BMPR1A: variants seen among roughly 807,000 people sequenced by gnomAD.
BMPR1A encodes the protein bone morphogenetic protein receptor type 1A.
A neutral mutation model predicts 66.0 loss-of-function variants in BMPR1A; 7 were observed. The ratio of observed to expected loss-of-function variants is 0.11; its 90% CI spans 0.06 to 0.20. The LOEUF (loss-of-function observed/expected upper bound fraction) is 0.20. Ranked by LOEUF, BMPR1A falls within the 10% of genes least tolerant of loss-of-function variation. BMPR1A has a pLI of 1.00. For synonymous variants in BMPR1A, 200 were observed against 229.7 expected (o/e 0.87, Z 1.17); for missense variants, 408 against 669.1 (o/e 0.61, Z 4.31).
chr10:86,835,923 T>C (rs966949412), intron 1 of BMPR1A, among the ~76,000 whole-genome samples: 2 of 152,230 alleles, frequency 1.3e-5, no homozygotes, highest in African/African-American at 4.8e-5. Context: ...GAAATTTTGA[T>C]GTTAGCTCTG....
intron 2 of BMPR1A, chr10:86,856,116 AT>A: frequency 1.9e-6 from 1 of 523,146 alleles, no homozygotes; most frequent in Non-Finnish European, 3.8e-6. Flanking sequence ...CATAGACTTT[AT>A]TGGTTTTGAA....
chr10:86,901,368 G>A (rs1018304809), intron 7 of BMPR1A, among the ~76,000 whole-genome samples: 9 of 152,218 alleles, frequency 5.9e-5, no homozygotes, highest in African/African-American at 1.9e-4. Context: ...GGATAATCCA[G>A]TGTCCGACTT....
intron 2 of BMPR1A, among the ~76,000 whole-genome samples, chr10:86,875,231 A>G (rs1842906195): frequency 6.6e-6 from 1 of 151,724 alleles, no homozygotes; most frequent in Non-Finnish European, 1.5e-5. Context: ...AAATTAGCCG[A>G]GTGTGGTGGT....
intron 2 of BMPR1A, among the ~76,000 whole-genome samples, chr10:86,853,136 G>A (rs929291302): frequency 3.7e-4 from 56 of 151,818 alleles, no homozygotes; most frequent in African/African-American, 1.3e-3. Flanking sequence ...CAATTTAAAC[G>A]TCAATTTTCT....
rs876660878 is a variant in BMPR1A, at chr10:86,923,392, C to T, written c.1359C>T (p.Tyr453=). Residue 453 remains tyrosine (Y), a synonymous_variant, in exon 12 of 13, where the codon TAC becomes TAT. Coordinates refer to ENST00000372037, the MANE Select transcript of BMPR1A (RefSeq NM_004329.3). ...RCITGGIVEE[Y]QLPYYNMVPS... is the part of the protein sequence containing the mutation. ...CCCTTATAGGGATCGTGGAAGAATA[C>T]CAATTGCCATATTACAACATGGTAC... 1 of 1,613,954 alleles carries T rather than the reference C, an allele frequency of 6.2e-7. No homozygotes were observed. The highest frequency in any genetic ancestry group is 8.5e-7 in the Non-Finnish European group (1 of 1,180,022).
chr10:86,818,368 C>T (rs899171436), intron 1 of BMPR1A, among the ~76,000 whole-genome samples: 2 of 152,104 alleles, frequency 1.3e-5, no homozygotes, highest in African/African-American at 4.8e-5. Flanking sequence ...GCTTTTAGCT[C>T]AGGTTTTTTT....
At chr10:86,900,209 C>T in intron 7 of BMPR1A, 83 bp downstream of exon 7, 1 of 1,330,190 alleles carries the variant, frequency 7.5e-7, no homozygotes, top group Non-Finnish European at 1.1e-6. Context: ...TTGCAGAAAC[C>T]ATTAACTTGT....
intron 5 of BMPR1A, among the ~76,000 whole-genome samples, chr10:86,892,862 CAAA>C (rs575847316): frequency 2.3e-4 from 22 of 94,020 alleles, no homozygotes; most frequent in South Asian, 3.4e-4. Flanking sequence ...GACCCTGTCT[CAAA>C]AAAAAAAAAA....
At chr10:86,856,391 G>A (rs778281660) in intron 2 of BMPR1A, among the ~76,000 whole-genome samples, 3 of 152,158 alleles carry the variant, frequency 2.0e-5, no homozygotes, top group Non-Finnish European at 2.9e-5. Context: ...GTCTCGCCCC[G>A]AGGCACCATC....
rs759424209 is a variant in BMPR1A at position 86,884,394 on chromosome 10, A to ATTTTTTTTT, written c.68-5639_68-5631dup. ...AGCCACCATGCCTGGCAAACACATG[A>ATTTTTTTTT]TTTTTTTTTTTTTTTTTTTTTTTTT... On this transcript the variant is annotated intron_variant, in intron 3 of 12. Coordinates refer to ENST00000372037, the MANE Select transcript of BMPR1A (RefSeq NM_004329.3). 1.3e-3 allele frequency among the ~76,000 whole-genome samples: 66 copies of ATTTTTTTTT among 49,344 alleles called. 13 individuals carry two copies. Among genetic ancestry groups the ATTTTTTTTT allele is most frequent in the Non-Finnish European group, 2.4e-3 (54 of 22,328 alleles). The allele number at this position is 49,344 out of a possible 152,430, so 32.4% of individuals were successfully genotyped here.
At chr10:86,771,474 T>A (rs1841260460) in intron 1 of BMPR1A, among the ~76,000 whole-genome samples, 1 of 152,224 alleles carries the variant, frequency 6.6e-6, no homozygotes, top group African/African-American at 2.4e-5. Context: ...GTTACTATTA[T>A]CAGTTCCCTT....
chr10:86,870,190 C>A (rs1032567572), intron 2 of BMPR1A, among the ~76,000 whole-genome samples: 1 of 152,118 alleles, frequency 6.6e-6, no homozygotes. Flanking sequence ...TTTAGCATAA[C>A]CGATTTGTAT....
At chr10:86,763,771 G>A (rs1289005128) in intron 1 of BMPR1A, among the ~76,000 whole-genome samples, 1 of 148,774 alleles carries the variant, frequency 6.7e-6, no homozygotes, top group Non-Finnish European at 1.5e-5. Context: ...TGAGAAATCT[G>A]TAGGAGACTT....
intron 1 of BMPR1A, among the ~76,000 whole-genome samples, chr10:86,821,675 A>T (rs1277552900): frequency 6.6e-6 from 1 of 152,166 alleles, no homozygotes; most frequent in Non-Finnish European, 1.5e-5. Flanking sequence ...GCTAAAAGTG[A>T]ATAACAATAT....
intron 1 of BMPR1A, among the ~76,000 whole-genome samples, chr10:86,790,403 A>G (rs1387808281): frequency 6.6e-6 from 1 of 151,598 alleles, no homozygotes; most frequent in Non-Finnish European, 1.5e-5. Context: ...CAGTTCCTCA[A>G]AAAGCTAAAT....
At chr10:86,779,325 T>C (rs1219360403) in intron 1 of BMPR1A, among the ~76,000 whole-genome samples, 1 of 152,228 alleles carries the variant, frequency 6.6e-6, no homozygotes, top group Non-Finnish European at 1.5e-5. Flanking sequence ...TGTTCTGTCT[T>C]GTGGCTGTAC....
intron 1 of BMPR1A, among the ~76,000 whole-genome samples, chr10:86,788,143 A>C (rs1160822452): frequency 6.6e-6 from 1 of 152,192 alleles, no homozygotes; most frequent in Non-Finnish European, 1.5e-5. Context: ...GTTTGTTTCA[A>C]GGGAATTAGG....
At chr10:86,857,385 T>C (rs531969495) in intron 2 of BMPR1A, among the ~76,000 whole-genome samples, 3 of 152,320 alleles carry the variant, frequency 2.0e-5, no homozygotes, top group Admixed American at 2.0e-4. Context: ...GGTCAAAGAC[T>C]GAATACATTA....
chr10:86,871,071 T>A (rs1269383318), intron 2 of BMPR1A, among the ~76,000 whole-genome samples: 1 of 152,178 alleles, frequency 6.6e-6, no homozygotes, highest in African/African-American at 2.4e-5. Flanking sequence ...TTTGCTTTTC[T>A]CTCCCTCAAG....
Sources: gnomAD v4.1 joint callset for allele counts (sites outside exome capture counted in the v4.1 genomes callset) on GRCh38, gnomAD v4.1.1 for gene constraint, MANE v1.5 for transcripts, NCBI Gene and HGNC (gene_info 2026-07-23, HGNC 2026-07-21) for gene names.